The following DND1 variants were observed in gnomAD, a reference collection of about 807,000 sequenced individuals.
The protein encoded by DND1 is DND microRNA-mediated repression inhibitor 1.
Under a neutral mutation model 30.4 loss-of-function variants are expected in DND1, and 6 were observed. The ratio of observed to expected loss-of-function variants is 0.20; its 90% CI spans 0.11 to 0.39. The LOEUF (loss-of-function observed/expected upper bound fraction) is 0.39. Among genes scored for constraint, DND1 ranks in the 10% least tolerant of loss-of-function variants. DND1 has a pLI of 1.00. For synonymous variants in DND1, 178 were observed against 210.4 expected (o/e 0.85, Z 1.33); for missense variants, 358 against 474.9 (o/e 0.75, Z 2.29).
Position 140,673,433 on chromosome 5 carries a change from C to A in DND1, c.25-45G>T, listed in dbSNP as rs376707407. 1.7e-5 allele frequency: 27 copies of A among 1,613,692 alleles called. No homozygotes were observed. In the African/African-American group the frequency reaches 3.2e-4, roughly 19 times the overall value. ...TGGAATGGCGGATCGCCAAGCGCGCCCCCACCTCTCCTGTGGTACTGGGGT... is the reference window on the plus strand; with the variant it reads ...TGGAATGGCGGATCGCCAAGCGCGCACCCACCTCTCCTGTGGTACTGGGGT... On this transcript the variant is annotated intron_variant, in intron 1 of 3. Coordinates refer to ENST00000542735, the MANE Select transcript of DND1 (RefSeq NM_194249.3).
At chr5:140,672,160 C>CTA in intron 3 of DND1, 1 of 566,140 alleles carries the variant, frequency 1.8e-6, no homozygotes, top group Non-Finnish European at 3.2e-6. Context: ...ATCAATTTCT[C>CTA]TAACAGTTTC....
At chr5:140,673,193 C>G in intron 2 of DND1, 78 bp downstream of exon 2, 1 of 1,500,948 alleles carries the variant, frequency 6.7e-7, no homozygotes, top group Non-Finnish European at 9.3e-7. Flanking sequence ...CAGTTTCTGA[C>G]AGTGAAGGCT....
chr5:140,671,953 C>T, intron 3 of DND1: 2 of 636,672 alleles, frequency 3.1e-6, no homozygotes, highest in Non-Finnish European at 5.5e-6. Context: ...TTACAAGTTT[C>T]CTTGGAGAAG....
At position 140,673,571 on chromosome 5, in the gene DND1, C is replaced by T. The variant is rs1253178163; in HGVS notation, c.-29G>A. On this transcript the variant is annotated 5_prime_UTR_variant, in exon 1 of 4. Transcript: ENST00000542735. ...TCTCCAGCTGGCCCCCTCGTACCCTCTTTATAACTTCCTCCCCACCGGCCT... is the reference window on the plus strand; with the variant it reads ...TCTCCAGCTGGCCCCCTCGTACCCTTTTTATAACTTCCTCCCCACCGGCCT... 6.4e-7 allele frequency: 1 copy of T among 1,558,572 alleles called. No individual in the cohort carries two copies. Among genetic ancestry groups the T allele is most frequent in the Non-Finnish European group, 8.7e-7 (1 of 1,150,530 alleles).
At chr5:140,672,986 G>T in intron 2 of DND1, 80 bp from the exon 3 acceptor site, 1 of 1,464,398 alleles carries the variant, frequency 6.8e-7, no homozygotes, top group Non-Finnish European at 9.2e-7. Flanking sequence ...CGCGGGGGTG[G>T]GAGGCGATGT....
chr5:140,673,443 C>T, intron 1 of DND1, 55 bp from the exon 2 acceptor site: 1 of 1,613,596 alleles, frequency 6.2e-7, no homozygotes. Context: ...CCCCACCTCT[C>T]CTGTGGTACT....
chr5:140,673,199 AG>A, intron 2 of DND1, 71 bp downstream of exon 2: 1 of 1,527,704 alleles, frequency 6.5e-7, no homozygotes, highest in Non-Finnish European at 9.1e-7. Context: ...CTGACAGTGA[AG>A]GCTCGGAGCA....
Position 140,673,354 on chromosome 5 carries a change from G to T in DND1, c.59C>A (p.Ala20Glu). ...CTCCCTGACCCACGCCTCCAGCGCC[G>T]CCTTGTTCTCTGGATTCACCCTCTC... Reference protein sequence around the residue: ...WCERVNPENKAALEAWVRETG... With the variant: ...WCERVNPENKEALEAWVRETG... The change falls in exon 2 of 4, where the codon GCG (alanine) becomes GAG (glutamate). Residue 20 changes from alanine (A) to glutamate (E), a missense_variant. This residue lies in a region of DND1 where 120 missense variants were observed against 199.1 expected (regional missense o/e 0.60). Transcript: ENST00000542735. 1 of 1,614,124 alleles carries T rather than the reference G, an allele frequency of 6.2e-7. No homozygotes were observed. Among genetic ancestry groups the T allele is most frequent in the Non-Finnish European group, 8.5e-7 (1 of 1,179,994 alleles).
chr5:140,671,667 C>T lies in DND1; in HGVS notation c.688G>A (p.Gly230Ser). The T allele has an allele frequency of 1.3e-6, 2 of 1,583,170 alleles. No individual in the cohort carries two copies. Among genetic ancestry groups the T allele is most frequent in the Non-Finnish European group, 1.7e-6 (2 of 1,164,700 alleles). Residue 230 changes from glycine to serine, a missense_variant, in exon 4 of 4, where the codon GGT (glycine) becomes AGT (serine). By Grantham distance (56) the Gly-to-Ser change is moderately conservative. This residue lies in a region of DND1 where 176 missense variants were observed against 235.2 expected (regional missense o/e 0.75). Coordinates refer to ENST00000542735, the MANE Select transcript of DND1 (RefSeq NM_194249.3). ...LKQRLRQQLV[G>S]PFLRSPQPEG... ...GGCTGTGGGGACCGCAAGAAGGGAC[C>T]CACAAGCTGCTGGCGAAGTCGCTGC... is the stretch of plus-strand genomic sequence containing the variant.
In DND1 at chr5:140,671,677, C is replaced by A; in HGVS notation, c.678G>T (p.Gln226His). 6.3e-7 allele frequency: 1 copy of A among 1,584,198 alleles called. No individual in the cohort carries two copies. Among genetic ancestry groups the A allele is most frequent in the Non-Finnish European group, 8.6e-7 (1 of 1,165,092 alleles). The change falls in exon 4 of 4, where the codon CAG (glutamine) becomes CAT (histidine). Residue 226 changes from glutamine to histidine, a missense_variant. Physicochemically the swap from Gln to His is conservative, Grantham distance 24. Transcript: ENST00000542735. ...LKPDLKQRLR[Q>H]QLVGPFLRSP... is the part of the protein sequence containing the mutation. ...ACCGCAAGAAGGGACCCACAAGCTG[C>A]TGGCGAAGTCGCTGCTTCAGGTCTG...
Position 140,671,313 on chromosome 5 carries a change from C to T in DND1, c.1042G>A (p.Gly348Ser), listed in dbSNP as rs764406836. The change falls in exon 4 of 4, where the codon GGT becomes AGT. Residue 348 changes from glycine to serine, a missense_variant. Physicochemically the swap from Gly to Ser is moderately conservative, Grantham distance 56. This residue lies in a region of DND1 where 176 missense variants were observed against 235.2 expected (regional missense o/e 0.75). Transcript: ENST00000542735. ...TGGAGTCACTGTTTAACCATGGTACCTGCCTCAGCCCCAGCAGACCACAGG... is the reference window on the plus strand; with the variant it reads ...TGGAGTCACTGTTTAACCATGGTACTTGCCTCAGCCCCAGCAGACCACAGG... Reference protein sequence around the residue: ...NLLWSAGAEAGTMVKQ With the variant: ...NLLWSAGAEASTMVKQ 6.2e-7 allele frequency: 1 copy of T among 1,612,932 alleles called. No homozygotes were observed. The highest frequency in any genetic ancestry group is 8.5e-7 in the Non-Finnish European group (1 of 1,179,992).
In DND1 at chr5:140,671,504, C is replaced by G; in HGVS notation, c.851G>C (p.Gly284Ala). 6.3e-7 allele frequency: 1 copy of G among 1,588,894 alleles called. No homozygotes were observed. Residue 284 changes from glycine (G) to alanine (A), a missense_variant, in exon 4 of 4, where the codon GGC (glycine) becomes GCC (alanine). Coordinates refer to ENST00000542735, the MANE Select transcript of DND1 (RefSeq NM_194249.3). ...CACCTGGTACCAGAAGCGGTGCCAGCCAGCAGGTCCTATGCCCAAACACTT... is the reference window on the plus strand; with the variant it reads ...CACCTGGTACCAGAAGCGGTGCCAGGCAGCAGGTCCTATGCCCAAACACTT... The part of the protein sequence containing the change: ...LTKCLGIGPA[G>A]WHRFWYQVVI...
intron 3 of DND1, 55 bp from the exon 4 acceptor site, chr5:140,671,805 A>AGGT: frequency 6.5e-7 from 1 of 1,538,842 alleles, no homozygotes; most frequent in Non-Finnish European, 8.8e-7. Flanking sequence ...CCAAGCCTCC[A>AGGT]GGTGGTGAGC....
Position 140,671,352 on chromosome 5 carries a change from A to G in DND1, c.1003T>C (p.Ser335Pro). The G allele has an allele frequency of 6.2e-7, 1 of 1,612,712 alleles. No homozygotes were observed. The highest frequency in any genetic ancestry group is 8.5e-7 in the Non-Finnish European group (1 of 1,179,886). ...SVRLLQALSE[S>P]GANLLWSAGA... is the part of the protein sequence containing the mutation. ...GCAGACCACAGGAGGTTGGCCCCAG[A>G]CTCACTGAGTGCCTGCAGCAGCCGT... The change falls in exon 4 of 4, where the codon TCT (serine) becomes CCT (proline). Residue 335 changes from serine (S) to proline (P), a missense_variant. By Grantham distance (74) the Ser-to-Pro change is moderately conservative (BLOSUM62 -1). This residue lies in a region of DND1 where 176 missense variants were observed against 235.2 expected (regional missense o/e 0.75). Coordinates refer to ENST00000542735, the MANE Select transcript of DND1 (RefSeq NM_194249.3).
At position 140,673,422 on chromosome 5, in the gene DND1, G is replaced by C. The variant is rs772270697; in HGVS notation, c.25-34C>G. The stretch of plus-strand genomic sequence containing the variant: ...GAAAGGAAGGTTGGAATGGCGGATC[G>C]CCAAGCGCGCCCCCACCTCTCCTGT... On this transcript the variant is annotated intron_variant, in intron 1 of 3. Transcript: ENST00000542735. The C allele has an allele frequency of 4.3e-6, 7 of 1,613,750 alleles. No individual in the cohort carries two copies. The South Asian group carries it at 7.7e-5, about 18-fold the overall frequency.
intron 3 of DND1, chr5:140,672,033 C>G (rs946575763): frequency 1.0e-5 from 6 of 576,352 alleles, no homozygotes; most frequent in Non-Finnish European, 1.9e-5. Flanking sequence ...GGAAAACTTG[C>G]TGTAAGTCAG....
intron 3 of DND1, chr5:140,672,170 C>G (rs1758097477): frequency 1.8e-6 from 1 of 570,762 alleles, no homozygotes; most frequent in East Asian, 3.0e-5. Flanking sequence ...CTAACAGTTT[C>G]CTCATAGCTT....
Position 140,671,728 on chromosome 5 carries a change from C to A in DND1, c.627G>T (p.Glu209Asp). ...LVEGQSHLCG[E>D]QVAVEWLKPD... Reference sequence around the variant, plus strand: ...GCTTGAGCCACTCCACAGCCACCTGCTCTCCACAGAGGTGTGACTGCCCTG... The same window carrying A: ...GCTTGAGCCACTCCACAGCCACCTGATCTCCACAGAGGTGTGACTGCCCTG... The change falls in exon 4 of 4, where the codon GAG becomes GAT. Residue 209 changes from glutamate to aspartate, a missense_variant. Physicochemically the swap from Glu to Asp is conservative, Grantham distance 45. Coordinates refer to ENST00000542735, the MANE Select transcript of DND1 (RefSeq NM_194249.3). 6.3e-7 allele frequency: 1 copy of A among 1,577,800 alleles called. No homozygotes were observed. Among genetic ancestry groups the A allele is most frequent in the Non-Finnish European group, 8.6e-7 (1 of 1,161,166 alleles).
Position 140,671,281 on chromosome 5 carries a change from G to T in DND1, c.*12C>A. The T allele has an allele frequency of 6.2e-7, 1 of 1,612,678 alleles. No homozygotes were observed. Among genetic ancestry groups the T allele is most frequent in the African/African-American group, 1.3e-5 (1 of 75,042 alleles). ...CATGCCCATTCAGGGTGCCTGTGGAGAAAGAATGGAGTCACTGTTTAACCA... is the reference window on the plus strand; with the variant it reads ...CATGCCCATTCAGGGTGCCTGTGGATAAAGAATGGAGTCACTGTTTAACCA... On this transcript the variant is annotated 3_prime_UTR_variant, in exon 4 of 4. Coordinates refer to ENST00000542735, the MANE Select transcript of DND1 (RefSeq NM_194249.3).
Sources: allele counts gnomAD v4.1 joint callset, GRCh38; gene constraint gnomAD v4.1.1; regional missense constraint gnomAD v4.1.1; transcripts MANE v1.5; gene names NCBI Gene and HGNC (gene_info 2026-07-23, HGNC 2026-07-21).